SF3B4: variants seen among roughly 807,000 people sequenced by gnomAD.
SF3B4 encodes the protein SAP 49.
SF3B4 carries 3 observed loss-of-function variants against 34.3 expected under a neutral mutation model. That is an observed-to-expected ratio of 0.09 (90% CI 0.04 to 0.23). The LOEUF (loss-of-function observed/expected upper bound fraction) is 0.23, where lower values mean the gene tolerates loss of function less well. SF3B4 is among the 10% of genes least tolerant of loss of function. The pLI is 1.00. For synonymous variants in SF3B4, 216 were observed against 207.8 expected, an observed-to-expected ratio of 1.04 and a Z score of -0.34; for missense variants, 283 against 567.2, an observed-to-expected ratio of 0.50 and a Z score of 5.09.
intron 4 of SF3B4, 21 bp from the exon 5 acceptor site, chr1:149,924,035 CAAG>C (rs1553765693): frequency 6.0e-6 from 9 of 1,498,860 alleles, no homozygotes; most frequent in Non-Finnish European, 7.1e-6. Flanking sequence ...AAAATAGACA[CAAG>C]AAGAAAAGAG....
At chr1:149,923,754 G>A (rs782559108) in intron 5 of SF3B4, 25 bp from the exon 6 acceptor site, 1 of 1,509,074 alleles carries the variant, frequency 6.6e-7, no homozygotes, top group East Asian at 2.5e-5. Context: ...AGAAAAGTTA[G>A]TAAGGGCACG....
At chr1:149,925,712 G>T in intron 4 of SF3B4, 124 bp downstream of exon 4, 1 of 767,650 alleles carries the variant, frequency 1.3e-6, no homozygotes, top group Non-Finnish European at 2.3e-6. Flanking sequence ...TTTTATAATA[G>T]AATGTCTGAA....
At chr1:149,927,646 C>A in intron 1 of SF3B4, 80 bp downstream of exon 1, 1 of 1,504,470 alleles carries the variant, frequency 6.6e-7, no homozygotes, top group Non-Finnish European at 9.0e-7. Flanking sequence ...CAGTCTCCCA[C>A]CCCTGCAGAG....
chr1:149,925,625 G>A, intron 4 of SF3B4: 1 of 622,204 alleles, frequency 1.6e-6, no homozygotes, highest in Non-Finnish European at 2.9e-6. Context: ...AATAAAAACT[G>A]GCAAGTAGAG....
chr1:149,924,010 C>T lies in SF3B4; in HGVS notation c.918G>A (p.Met306Ile). The T allele has an allele frequency of 6.5e-7, 1 of 1,539,864 alleles. No homozygotes were observed. The highest frequency in any genetic ancestry group is 8.7e-7 in the Non-Finnish European group (1 of 1,152,186). Residue 306 changes from methionine to isoleucine, a missense_variant, in exon 5 of 6, where the codon ATG becomes ATA. Physicochemically the swap from Met to Ile is conservative, Grantham distance 10. This residue lies in a region of SF3B4 where 208 missense variants were observed against 292.6 expected (regional missense o/e 0.71). Coordinates refer to ENST00000271628, the MANE Select transcript of SF3B4 (RefSeq NM_005850.5). ...FPPGGMPHPGMSQMQLAHHGP... is the reference protein window; with the variant it reads ...FPPGGMPHPGISQMQLAHHGP... Reference sequence around the variant, plus strand: ...CATGGTGTGCAAGCTGCATCTGAGACATCCCTATGAAAATAAAATAGACAC... The same window carrying T: ...CATGGTGTGCAAGCTGCATCTGAGATATCCCTATGAAAATAAAATAGACAC...
intron 4 of SF3B4, among the ~76,000 whole-genome samples, chr1:149,925,179 A>G (rs2092581896): frequency 6.6e-6 from 1 of 151,978 alleles, no homozygotes; most frequent in Non-Finnish European, 1.5e-5. Flanking sequence ...TGAATTAAGC[A>G]CCTGAAAAAA....
intron 2 of SF3B4, 94 bp downstream of exon 2, chr1:149,927,072 G>A (rs60200537): frequency 6.5e-7 from 1 of 1,536,408 alleles, no homozygotes; most frequent in Middle Eastern, 2.0e-4. Context: ...AGGCTTAAAA[G>A]AAAAAAATCT....
intron 4 of SF3B4, among the ~76,000 whole-genome samples, chr1:149,924,404 T>G (rs1414530308): frequency 1.3e-5 from 2 of 151,868 alleles, no homozygotes; most frequent in Admixed American, 6.6e-5. Flanking sequence ...GCCACTGCAC[T>G]CCAGCCTGGA....
At chr1:149,925,249 T>C (rs587713681) in intron 4 of SF3B4, among the ~76,000 whole-genome samples, 5 of 152,312 alleles carry the variant, frequency 3.3e-5, no homozygotes, top group South Asian at 4.2e-4. Flanking sequence ...CGCTATCTAT[T>C]AAGCAGCAGC....
chr1:149,926,291 T>C lies in SF3B4; in HGVS notation c.706+85A>G. On this transcript the variant is annotated intron_variant, in intron 3 of 5. Coordinates refer to ENST00000271628, the MANE Select transcript of SF3B4 (RefSeq NM_005850.5). This position sits in a 1 kb window ranked among gnomAD's most constrained non-coding sequence, Gnocchi z 6.2. ...ATCAACTCACTGACTCAATGTCCCCTGTCCCCCTTTCAGACTTGTTTTCTT... is the reference window on the plus strand; with the variant it reads ...ATCAACTCACTGACTCAATGTCCCCCGTCCCCCTTTCAGACTTGTTTTCTT... 3 of 1,224,306 alleles carry C rather than the reference T, an allele frequency of 2.5e-6. No homozygotes were observed. The South Asian group carries it at 4.4e-5, about 18-fold the overall frequency. The allele number at this position is 1,224,306 out of a possible 1,614,324, so 75.8% of individuals were successfully genotyped here. A position where few individuals can be genotyped will look rare whatever the true frequency, so the allele number is the denominator to read the frequency against.
At chr1:149,925,254 A>T (rs1553765818) in intron 4 of SF3B4, among the ~76,000 whole-genome samples, 1 of 152,248 alleles carries the variant, frequency 6.6e-6, no homozygotes, top group Non-Finnish European at 1.5e-5. Context: ...TCTATTAAGC[A>T]GCAGCATCAA....
chr1:149,927,347 G>T lies in SF3B4; in HGVS notation c.35-53C>A, dbSNP rs2092596489. On this transcript the variant is annotated intron_variant, in intron 1 of 5. Transcript: ENST00000271628. Reference sequence around the variant, plus strand: ...GCGTGAGAGTGTAACGGGAAGGAAGGAAGTGATGGAAACATGAAGATGGAA... The same window carrying T: ...GCGTGAGAGTGTAACGGGAAGGAAGTAAGTGATGGAAACATGAAGATGGAA... The T allele has an allele frequency of 8.8e-6, 14 of 1,599,182 alleles. No homozygotes were observed. The Middle Eastern group carries it at 5.0e-4, about 57-fold the overall frequency.
At position 149,923,492 on chromosome 1, in the gene SF3B4, G is replaced by A. The variant is rs1553765573; in HGVS notation, c.*50C>T. ...CTACAGCATCTCTGATTGGTCCAAG[G>A]AATAGAAAAGATATTGGGAAAATGT... is the stretch of plus-strand genomic sequence containing the variant. On this transcript the variant is annotated 3_prime_UTR_variant, in exon 6 of 6. Coordinates refer to ENST00000271628, the MANE Select transcript of SF3B4 (RefSeq NM_005850.5). 1 of 1,452,792 alleles carries A rather than the reference G, an allele frequency of 6.9e-7. No homozygotes were observed. Among genetic ancestry groups the A allele is most frequent in the Non-Finnish European group, 9.3e-7 (1 of 1,073,384 alleles). 90.0% of individuals were successfully genotyped at this position (1,452,792 alleles called of 1,614,324 possible).
In SF3B4 at chr1:149,926,304, G is replaced by A. The variant is rs2092589981; in HGVS notation, c.706+72C>T. On this transcript the variant is annotated intron_variant, in intron 3 of 5. Transcript: ENST00000271628. The surrounding 1 kb of genome is among the most constrained non-coding windows in gnomAD (Gnocchi z 6.2). The stretch of plus-strand genomic sequence containing the variant: ...CTCAATGTCCCCTGTCCCCCTTTCA[G>A]ACTTGTTTTCTTCTTCCTCCTGACC... The A allele has an allele frequency of 5.8e-6, 8 of 1,368,986 alleles. No homozygotes were observed. Among genetic ancestry groups the A allele is most frequent in the Non-Finnish European group, 8.0e-6 (8 of 995,398 alleles). 84.8% of individuals were successfully genotyped at this position (1,368,986 alleles called of 1,614,324 possible).
rs1448437403 is a variant in SF3B4 at position 149,927,797 on chromosome 1, G to A, written c.-38C>T. 1 of 1,551,574 alleles carries A rather than the reference G, an allele frequency of 6.4e-7. No homozygotes were observed. The highest frequency in any genetic ancestry group is 2.4e-5 in the East Asian group (1 of 40,918). On this transcript the variant is annotated 5_prime_UTR_variant, in exon 1 of 6. Transcript: ENST00000271628. The stretch of plus-strand genomic sequence containing the variant: ...CCCGCCGTCTCCCAGCAGCGGTTCC[G>A]CCTTCTGACCTCAGCACGACTTCCA...
intron 2 of SF3B4, 95 bp from the exon 3 acceptor site, chr1:149,927,013 G>C (rs1553766120): frequency 2.7e-6 from 4 of 1,458,462 alleles, no homozygotes; most frequent in East Asian, 4.6e-5. Context: ...GAACAAGAAA[G>C]AAACAACATC....
chr1:149,924,700 G>A (rs1262561720), intron 4 of SF3B4, among the ~76,000 whole-genome samples: 8 of 152,134 alleles, frequency 5.3e-5, no homozygotes, highest in Non-Finnish European at 8.8e-5. Flanking sequence ...GAATACTTCA[G>A]GAGGATAAGA....
chr1:149,924,129 T>C (rs967164555), intron 4 of SF3B4, 115 bp from the exon 5 acceptor site: 25 of 923,070 alleles, frequency 2.7e-5, no homozygotes, highest in Non-Finnish European at 3.7e-5. Flanking sequence ...GAGAACTATA[T>C]AGAAAAAAGG....
In SF3B4 at chr1:149,926,853, T is replaced by C; in HGVS notation, c.229A>G (p.Ile77Val). Residue 77 changes from isoleucine to valine, a missense_variant, in exon 3 of 6, where the codon ATC (isoleucine) becomes GTC (valine). Around this residue, in one of 4 missense-constraint regions of SF3B4, gnomAD observed 39 missense variants for 127.3 expected, o/e 0.31. Transcript: ENST00000271628. The surrounding 1 kb of genome is among the most constrained non-coding windows in gnomAD (Gnocchi z 6.2). The stretch of plus-strand genomic sequence containing the variant: ...CGTATTGGCTTCCCATAGAGTTTGA[T>C]CATGTTCATGATCTTAATGGCATAG... ...ADYAIKIMNMIKLYGKPIRVN... is the reference protein window; with the variant it reads ...ADYAIKIMNMVKLYGKPIRVN... 6.2e-7 allele frequency: 1 copy of C among 1,614,138 alleles called. No individual in the cohort carries two copies. Among genetic ancestry groups the C allele is most frequent in the Non-Finnish European group, 8.5e-7 (1 of 1,180,022 alleles).
Sources: allele counts gnomAD v4.1 joint callset (sites outside exome capture counted in the v4.1 genomes callset), GRCh38; gene constraint gnomAD v4.1.1; regional missense constraint gnomAD v4.1.1; non-coding constraint Gnocchi (gnomAD v3.1); transcripts MANE v1.5; gene names NCBI Gene and HGNC (gene_info 2026-07-23, HGNC 2026-07-21).